The following CKAP5 variants were observed in gnomAD, a reference collection of about 807,000 sequenced individuals.
The protein encoded by CKAP5 is cytoskeleton associated protein 5, also known as cytoskeleton-associated protein 5.
A neutral mutation model predicts 232.8 loss-of-function variants in CKAP5; 27 were observed. The observed-to-expected ratio is 0.12, with a 90% CI of 0.09 to 0.16. The LOEUF is 0.16. CKAP5 is among the 10% of genes least tolerant of loss of function. The pLI is 1.00. For missense variants in CKAP5, 1,838 were observed against 2,424.7 expected (o/e 0.76, Z 5.08); for synonymous variants, 785 against 841.1 (o/e 0.93, Z 1.16).
intron 24 of CKAP5, among the ~76,000 whole-genome samples, chr11:46,773,826 A>C (rs746906691): frequency 1.3e-5 from 2 of 152,130 alleles, no homozygotes; most frequent in Non-Finnish European, 2.9e-5. Context: ...TACAGGCATG[A>C]GTCACTGCAC....
Position 46,763,169 on chromosome 11 carries a change from C to A in CKAP5, c.3698G>T (p.Ser1233Ile), listed in dbSNP as rs1432257268. The A allele has an allele frequency of 1.9e-6, 3 of 1,611,128 alleles. No homozygotes were observed. Among genetic ancestry groups the A allele is most frequent in the Non-Finnish European group, 2.5e-6 (3 of 1,178,064 alleles). ...GCAACCAATAACTCCTTCTTTTTCA[C>A]TCTCCAAGTGCTTAAAATAAAACAA... is the stretch of plus-strand genomic sequence containing the variant. ...ALAVMVDHLE[S>I]EKEGVIGCLD... Residue 1233 changes from serine (S) to isoleucine (I), a missense_variant, in exon 30 of 44, where the codon AGT (serine) becomes ATT (isoleucine). By Grantham distance (142) the Ser-to-Ile change is moderately radical (BLOSUM62 -2). This residue lies in a region of CKAP5 where 48 missense variants were observed against 98.1 expected (regional missense o/e 0.49). Coordinates refer to ENST00000529230, the MANE Select transcript of CKAP5 (RefSeq NM_001008938.4).
At chr11:46,750,683 G>T (rs1044302973) in intron 40 of CKAP5, 72 bp from the exon 41 acceptor site, 24 of 1,192,310 alleles carry the variant, frequency 2.0e-5, no homozygotes, top group African/African-American at 9.1e-5. Context: ...GGTTGGATAT[G>T]AACAGAAAAT....
rs1168226574 is a variant in CKAP5 at position 46,797,377 on chromosome 11, A to AAC, written c.1338+427_1338+428insGT. On this transcript the variant is annotated intron_variant, in intron 11 of 43. Coordinates refer to ENST00000529230, the MANE Select transcript of CKAP5 (RefSeq NM_001008938.4). Reference sequence around the variant, plus strand: ...GCTAAACTCCATCTCAAACAAAACAAAAACAACAACAACAAAAAAAAAAAA... The same window carrying AAC: ...GCTAAACTCCATCTCAAACAAAACAAACAAACAACAACAACAAAAAAAAAAAA... Among the ~76,000 whole-genome samples, 415 of 144,664 alleles carry AAC rather than the reference A, an allele frequency of 2.9e-3. 2 individuals carry two copies. The highest frequency in any genetic ancestry group is 9.9e-3 in the African/African-American group (393 of 39,794). 94.9% of individuals were successfully genotyped at this position (144,664 alleles called of 152,430 possible).
At chr11:46,814,128 T>C (rs1212421883) in intron 4 of CKAP5, among the ~76,000 whole-genome samples, 4 of 79,636 alleles carry the variant, frequency 5.0e-5, no homozygotes, top group Non-Finnish European at 8.5e-5. Flanking sequence ...CGAGACCTTG[T>C]CTCAAAAAAA....
intron 7 of CKAP5, among the ~76,000 whole-genome samples, chr11:46,809,100 T>G (rs1939217396): frequency 6.6e-6 from 1 of 152,118 alleles, no homozygotes. Context: ...GTAGTGGCAG[T>G]AGAAACGGAG....
chr11:46,755,878 G>A lies in CKAP5; in HGVS notation c.4690-811C>T, dbSNP rs191291576. Among the ~76,000 whole-genome samples, 421 of 152,258 alleles carry A rather than the reference G, an allele frequency of 2.8e-3. 2 individuals carry two copies. The highest frequency in any genetic ancestry group is 9.6e-3 in the African/African-American group (399 of 41,556). On this transcript the variant is annotated intron_variant, in intron 35 of 43. Transcript: ENST00000529230. The stretch of plus-strand genomic sequence containing the variant: ...CAGGAGGCGGAGGATGCAGTGAACC[G>A]AGATCACGACACTGAACTCCAGCCT...
At chr11:46,759,481 C>G in intron 33 of CKAP5, 39 bp from the exon 34 acceptor site, 1 of 1,581,872 alleles carries the variant, frequency 6.3e-7, no homozygotes, top group South Asian at 1.2e-5. Context: ...CTAAAAGAGA[C>G]TTCTTAACCA....
At position 46,744,672 on chromosome 11, in the gene CKAP5, A is replaced by C. The variant is rs2065009663; in HGVS notation, c.5705-95T>G. On this transcript the variant is annotated intron_variant, in intron 42 of 43. Transcript: ENST00000529230. ...CTCCCACCAAAAAGAACAATTAAGA[A>C]TTTCCTATACTTGAAAACGACAAAT... The C allele has an allele frequency of 3.3e-6, 4 of 1,225,258 alleles. No individual in the cohort carries two copies. The Admixed American group carries it at 8.9e-5, about 27-fold the overall frequency. 75.9% of individuals were successfully genotyped at this position (1,225,258 alleles called of 1,614,324 possible).
At chr11:46,827,028 G>A (rs779082821) in intron 1 of CKAP5, among the ~76,000 whole-genome samples, 9 of 152,208 alleles carry the variant, frequency 5.9e-5, no homozygotes, top group Non-Finnish European at 1.2e-4. Flanking sequence ...TAGGTCCTAG[G>A]CTTTCCCAGG....
intron 16 of CKAP5, among the ~76,000 whole-genome samples, chr11:46,786,454 T>A (rs1302730716): frequency 1.1e-4 from 17 of 152,244 alleles, no homozygotes; most frequent in Admixed American, 7.9e-4. Context: ...TTGAAAGTCC[T>A]GTTATTTGAC....
intron 24 of CKAP5, among the ~76,000 whole-genome samples, chr11:46,773,257 T>C (rs1335470204): frequency 6.6e-6 from 1 of 152,118 alleles, no homozygotes; most frequent in Non-Finnish European, 1.5e-5. Context: ...GTTCTATTTT[T>C]TTTTTTTTTG....
intron 13 of CKAP5, among the ~76,000 whole-genome samples, chr11:46,794,772 G>A (rs1306004923): frequency 6.6e-6 from 1 of 152,162 alleles, no homozygotes; most frequent in South Asian, 2.1e-4. Context: ...GGAGTTCCAG[G>A]TTGCAGTGAG....
At chr11:46,764,321 A>T (rs894321409) in intron 28 of CKAP5, among the ~76,000 whole-genome samples, 1 of 152,242 alleles carries the variant, frequency 6.6e-6, no homozygotes, top group Non-Finnish European at 1.5e-5. Flanking sequence ...CTACATTCAA[A>T]GATATTCACA....
chr11:46,826,821 C>CCGGCAGGCGGCGGCGG (rs1939665354), intron 1 of CKAP5: 1 of 155,344 alleles, frequency 6.4e-6, no homozygotes, highest in Non-Finnish European at 1.4e-5. Context: ...GCAGGAATAC[C>CCGGCAGGCGGCGGCGG]CGGCAGGCGG....
chr11:46,822,492 G>A (rs915169438), intron 1 of CKAP5, among the ~76,000 whole-genome samples: 1 of 151,974 alleles, frequency 6.6e-6, no homozygotes, highest in African/African-American at 2.4e-5. Flanking sequence ...GGTGGCTGAC[G>A]CCCGTAATCC....
chr11:46,836,818 G>C (rs1246453286), intron 1 of CKAP5, among the ~76,000 whole-genome samples: 4 of 152,194 alleles, frequency 2.6e-5, no homozygotes, highest in African/African-American at 9.7e-5. Context: ...GGGCACAGTG[G>C]GTTGTACTGT....
chr11:46,814,204 TTTA>T (rs1663018660), intron 4 of CKAP5, among the ~76,000 whole-genome samples: 1 of 149,780 alleles, frequency 6.7e-6, no homozygotes, highest in Non-Finnish European at 1.5e-5. Flanking sequence ...ACACAAAAGA[TTTA>T]TTGATATAAG....
chr11:46,776,133 T>C (rs111556655), intron 24 of CKAP5, 122 bp downstream of exon 24: 10 of 806,956 alleles, frequency 1.2e-5, no homozygotes, highest in African/African-American at 8.7e-5. Context: ...TGTGATTTCA[T>C]TTTATTAACT....
rs375367270 is a variant in CKAP5 at position 46,801,147 on chromosome 11, T to C, written c.1083+53A>G. 1.3e-5 allele frequency: 17 copies of C among 1,303,004 alleles called. 1 individual carries two copies. The highest frequency in any genetic ancestry group is 1.3e-4 in the South Asian group (11 of 84,490). The allele number at this position is 1,303,004 out of a possible 1,614,324, so 80.7% of individuals were successfully genotyped here. A position where few individuals can be genotyped will look rare whatever the true frequency, so the allele number is the denominator to read the frequency against. On this transcript the variant is annotated intron_variant, in intron 9 of 43. Coordinates refer to ENST00000529230, the MANE Select transcript of CKAP5 (RefSeq NM_001008938.4). The stretch of plus-strand genomic sequence containing the variant: ...TTTAAAGCAAACAGCAAACTAGGCC[T>C]ACCATTTTTGATAAATTTTGTTGAT...
Sources: allele counts gnomAD v4.1 joint callset (sites outside exome capture counted in the v4.1 genomes callset), GRCh38; gene constraint gnomAD v4.1.1; regional missense constraint gnomAD v4.1.1; transcripts MANE v1.5; gene names NCBI Gene and HGNC (gene_info 2026-07-23, HGNC 2026-07-21).